The following POM121C variants were observed in gnomAD, a reference collection of about 807,000 sequenced individuals.
The protein encoded by POM121C is nuclear envelope pore membrane protein POM 121C.
Under a neutral mutation model 66.4 loss-of-function variants are expected in POM121C, and 20 were observed. The observed-to-expected ratio is 0.30, with a 90% confidence interval of 0.21 to 0.44. The LOEUF (loss-of-function observed/expected upper bound fraction) is 0.44. POM121C is among the 20% of genes least tolerant of loss of function. The probability of loss-of-function intolerance (pLI) is 1.00; values close to 1 mark genes in which losing one functional copy is unlikely to be tolerated. For synonymous variants in POM121C, 286 were observed against 528.0 expected (o/e 0.54, Z 6.28); for missense variants, 580 against 1,225.7 (o/e 0.47, Z 7.87).
At chr7:75,434,040 A>G (rs1455299572) in intron 7 of POM121C, among the ~76,000 whole-genome samples, 5 of 152,158 alleles carry the variant, frequency 3.3e-5, no homozygotes, top group Non-Finnish European at 5.9e-5. Context: ...CCCACTAGCA[A>G]CGTGTGAGGA....
intron 3 of POM121C, among the ~76,000 whole-genome samples, chr7:75,455,464 TTGTG>T (rs1791175584): frequency 6.6e-6 from 1 of 150,804 alleles, no homozygotes; most frequent in Non-Finnish European, 1.5e-5. Context: ...CCGGCTAATT[TTGTG>T]TGTGTATTTT....
intron 3 of POM121C, among the ~76,000 whole-genome samples, chr7:75,454,741 C>T (rs1270470572): frequency 0.012 from 1,853 of 152,014 alleles, 1 homozygote; most frequent in Middle Eastern, 0.02. Flanking sequence ...CTGCCCATGA[C>T]TTTCTCTGCT....
At chr7:75,468,126 T>TAAAAAAAAAAAAAAAA (rs368723160) in intron 3 of POM121C, among the ~76,000 whole-genome samples, 12 of 64,362 alleles carry the variant, frequency 1.9e-4, no homozygotes, top group Non-Finnish European at 3.5e-4. Context: ...AGACTCTGTC[T>TAAAAAAAAAAAAAAAA]AAAAAAAAAA....
At chr7:75,484,658 G>A (rs1445027783) in intron 1 of POM121C, among the ~76,000 whole-genome samples, 3 of 57,452 alleles carry the variant, frequency 5.2e-5, no homozygotes, top group South Asian at 1.3e-3. Flanking sequence ...GAGAGACACT[G>A]TCTCAAAAAA....
rs1789503863 is a variant in POM121C at position 75,417,199 on chromosome 7, C to T, written c.*1597G>A. On this transcript the variant is annotated 3_prime_UTR_variant, in exon 15 of 15. Coordinates refer to ENST00000615331, the MANE Select transcript of POM121C (RefSeq NM_001099415.3). ...CACAACGGGGAGGGGGCACCGGTTA[C>T]ATCTACATCACATTATTTATAAAAT... is the stretch of plus-strand genomic sequence containing the variant. 2.1e-6 allele frequency: 2 copies of T among 962,366 alleles called. No homozygotes were observed. Among genetic ancestry groups the T allele is most frequent in the Non-Finnish European group, 2.5e-6 (2 of 806,446 alleles). 59.6% of individuals were successfully genotyped at this position (962,366 alleles called of 1,614,324 possible).
At chr7:75,475,426 A>G (rs781965878) in intron 1 of POM121C, among the ~76,000 whole-genome samples, 1 of 152,166 alleles carries the variant, frequency 6.6e-6, no homozygotes, top group Non-Finnish European at 1.5e-5. Context: ...AGTTTTGGGG[A>G]TATGAGATGA....
At chr7:75,473,486 G>C (rs1379165596) in intron 3 of POM121C, among the ~76,000 whole-genome samples, 1 of 152,094 alleles carries the variant, frequency 6.6e-6, no homozygotes, top group African/African-American at 2.4e-5. Flanking sequence ...AATGAGCATT[G>C]GGGAAAGAGG....
intron 12 of POM121C, among the ~76,000 whole-genome samples, chr7:75,423,628 C>G (rs587695793): frequency 1.3e-5 from 2 of 151,912 alleles, no homozygotes; most frequent in African/African-American, 4.8e-5. Flanking sequence ...GAGGTGTGCG[C>G]GCGCAGTGCC....
intron 13 of POM121C, chr7:75,421,166 G>C (rs1285778114): frequency 3.1e-5 from 14 of 450,388 alleles, no homozygotes; most frequent in Middle Eastern, 7.0e-4. Context: ...AGTAGAGACA[G>C]GGTTTCGCCA....
chr7:75,463,077 C>T (rs1791500981), intron 3 of POM121C, among the ~76,000 whole-genome samples: 1 of 152,156 alleles, frequency 6.6e-6, no homozygotes, highest in Non-Finnish European at 1.5e-5. Flanking sequence ...AATCCCAGCA[C>T]TTTGGGAGGC....
intron 3 of POM121C, among the ~76,000 whole-genome samples, chr7:75,449,748 GCTCATGC>G (rs1184058876): frequency 3.3e-5 from 5 of 152,100 alleles, no homozygotes; most frequent in Non-Finnish European, 7.4e-5. Flanking sequence ...AGGCACGGTG[GCTCATGC>G]CTATAATCCC....
chr7:75,424,203 A>C lies in POM121C; in HGVS notation c.894T>G (p.Thr298=), dbSNP rs1789841499. The C allele has an allele frequency of 1.9e-6, 3 of 1,612,036 alleles. No homozygotes were observed. ...AAGGCTGAGTGGTAGGTGGGGTCTC[A>C]GTGACAGAGTTCGAGGCAGCATCTA... The part of the protein sequence containing the change: ...DKSDAASNSV[T]ETPPTTQPSF... The change falls in exon 12 of 15, where the codon ACT becomes ACG. Residue 298 remains threonine (T), a synonymous_variant. Coordinates refer to ENST00000615331, the MANE Select transcript of POM121C (RefSeq NM_001099415.3).
intron 3 of POM121C, among the ~76,000 whole-genome samples, chr7:75,447,008 A>G (rs1278724546): frequency 1.1e-4 from 1 of 9,040 alleles, no homozygotes. Context: ...ACTCCGTCTC[A>G]AAAAAAAAAA....
intron 3 of POM121C, among the ~76,000 whole-genome samples, chr7:75,467,831 C>A (rs1315891428): frequency 1.3e-5 from 2 of 151,746 alleles, no homozygotes; most frequent in Non-Finnish European, 2.9e-5. Flanking sequence ...TAGGGGGTAT[C>A]AGAAACACAC....
chr7:75,457,970 G>C (rs1339008309), intron 3 of POM121C, among the ~76,000 whole-genome samples: 6 of 152,402 alleles, frequency 3.9e-5, no homozygotes, highest in African/African-American at 1.4e-4. Flanking sequence ...AAGTACACTT[G>C]GAAGAAGGCC....
chr7:75,437,787 G>C (rs1282197935), intron 6 of POM121C, 101 bp from the exon 7 acceptor site: 2 of 1,419,388 alleles, frequency 1.4e-6, no homozygotes, highest in South Asian at 3.4e-5. Context: ...GAAGGGAAGA[G>C]AATAATGCTT....
At chr7:75,471,740 C>T (rs1301291673) in intron 3 of POM121C, among the ~76,000 whole-genome samples, 7 of 152,046 alleles carry the variant, frequency 4.6e-5, no homozygotes, top group South Asian at 2.1e-4. Flanking sequence ...CGCTTGCTGA[C>T]GAGCCACACT....
At chr7:75,477,197 A>T (rs1202708805) in intron 1 of POM121C, among the ~76,000 whole-genome samples, 7 of 151,746 alleles carry the variant, frequency 4.6e-5, no homozygotes, top group Non-Finnish European at 7.4e-5. Context: ...AAAACTACAT[A>T]TCTTCCCACT....
chr7:75,453,190 G>A (rs2116453870), intron 3 of POM121C, among the ~76,000 whole-genome samples: 1 of 151,782 alleles, frequency 6.6e-6, no homozygotes, highest in Admixed American at 6.6e-5. Flanking sequence ...CAGCACTTTG[G>A]GAGGCTGAGG....
Sources: gnomAD v4.1 joint callset for allele counts (sites outside exome capture counted in the v4.1 genomes callset) on GRCh38, gnomAD v4.1.1 for gene constraint, MANE v1.5 for transcripts, NCBI Gene and HGNC (gene_info 2026-07-23, HGNC 2026-07-21) for gene names.